GSE1: variants seen among roughly 807,000 people sequenced by gnomAD.
GSE1 encodes Gse1 coiled-coil protein, also known as genetic suppressor element 1.
In GSE1, 32 loss-of-function variants were observed where a neutral mutation model predicts 112.6. The observed-to-expected ratio is 0.28, with a 90% CI of 0.21 to 0.38. The LOEUF is 0.38. Ranked by LOEUF, GSE1 falls within the 10% of genes least tolerant of loss-of-function variation. The probability of loss-of-function intolerance (pLI) is 1.00; values close to 1 mark genes in which losing one functional copy is unlikely to be tolerated. For missense variants in GSE1, 2,348 were observed against 1,699.2 expected (o/e 1.38, Z -6.71); for synonymous variants, 1,115 against 735.6 (o/e 1.52, Z -8.35).
chr16:85,665,021 A>C lies in GSE1; in HGVS notation c.2651A>C (p.Glu884Ala). Residue 884 changes from glutamate (E) to alanine (A), a missense_variant, in exon 12 of 16, where the codon GAG (glutamate) becomes GCG (alanine). Coordinates refer to ENST00000253458, the MANE Select transcript of GSE1 (RefSeq NM_014615.5). ...CAGGCTGCTTTTCTCATAGACAAAG[A>C]GAGACTTGTTGAAATGCTCCGTGCC... ...HISAEKRKDK[E>A]RLVEMLRAMK... 6.3e-7 allele frequency: 1 copy of C among 1,599,956 alleles called. No individual in the cohort carries two copies. Among genetic ancestry groups the C allele is most frequent in the Non-Finnish European group, 8.6e-7 (1 of 1,167,338 alleles).
At chr16:85,627,664 A>G (rs887248787) in intron 1 of GSE1, among the ~76,000 whole-genome samples, 9 of 150,424 alleles carry the variant, frequency 6.0e-5, no homozygotes, top group Admixed American at 4.6e-4. Flanking sequence ...GTGCGGAGAC[A>G]GCCCCCGGCC....
chr16:85,592,916 C>A (rs1447761624), intron 1 of GSE1: 2 of 152,288 alleles, frequency 1.3e-5, no homozygotes, highest in Admixed American at 6.5e-5. Context: ...CAGCTCTAGG[C>A]GAGGGTGCCT....
intron 1 of GSE1, among the ~76,000 whole-genome samples, chr16:85,211,099 T>C (rs550337681): frequency 6.6e-6 from 1 of 152,186 alleles, no homozygotes; most frequent in Non-Finnish European, 1.5e-5. Flanking sequence ...GTGCCTCCTG[T>C]TTGCAGACAC....
intron 2 of GSE1, among the ~76,000 whole-genome samples, chr16:85,536,104 T>C (rs986283720): frequency 4.6e-5 from 7 of 152,216 alleles, no homozygotes; most frequent in African/African-American, 1.4e-4. Context: ...TTGGAGGGAA[T>C]GTCCCAGGGA....
chr16:85,233,248 C>T (rs1029741851), intron 1 of GSE1, among the ~76,000 whole-genome samples: 8 of 152,392 alleles, frequency 5.2e-5, no homozygotes, highest in African/African-American at 1.9e-4. Context: ...AGCACTCATT[C>T]ATTGCATCAT....
chr16:85,501,141 C>T (rs1285976682), intron 2 of GSE1, among the ~76,000 whole-genome samples: 2 of 151,034 alleles, frequency 1.3e-5, no homozygotes, highest in Non-Finnish European at 2.9e-5. Flanking sequence ...GTTGGGACTA[C>T]AGGCGCCCCC....
chr16:85,256,585 G>A (rs555396453), intron 1 of GSE1, among the ~76,000 whole-genome samples: 4 of 152,338 alleles, frequency 2.6e-5, no homozygotes, highest in Admixed American at 6.5e-5. Context: ...CCGGCCTCCC[G>A]GCCTTGGCTT....
chr16:85,309,333 A>G (rs1238745258), intron 1 of GSE1, among the ~76,000 whole-genome samples: 1 of 151,952 alleles, frequency 6.6e-6, no homozygotes, highest in Admixed American at 6.6e-5. Context: ...CCCTATCTCT[A>G]CAAAAAATGT....
At chr16:85,177,484 GT>G (rs1211346452) in intron 1 of GSE1, among the ~76,000 whole-genome samples, 1 of 152,160 alleles carries the variant, frequency 6.6e-6, no homozygotes, top group Admixed American at 6.5e-5. Flanking sequence ...CACTCTTGGG[GT>G]CAGTTGTGGA....
intron 2 of GSE1, among the ~76,000 whole-genome samples, chr16:85,436,161 A>G (rs1223063723): frequency 1.3e-5 from 2 of 152,164 alleles, no homozygotes; most frequent in South Asian, 2.1e-4. Flanking sequence ...TTAATGGGGT[A>G]GCTCCTTGAA....
chr16:85,498,691 G>C (rs532930580), intron 2 of GSE1, among the ~76,000 whole-genome samples: 117 of 152,366 alleles, frequency 7.7e-4, no homozygotes, highest in African/African-American at 2.4e-3. Context: ...ACAGCACACA[G>C]TGGTGGCTGT....
chr16:85,185,119 A>G (rs2074672949), intron 1 of GSE1: 1 of 152,140 alleles, frequency 6.6e-6, no homozygotes, highest in Non-Finnish European at 1.5e-5. Context: ...TGTCTTTCAG[A>G]TGAATCGGCG....
intron 1 of GSE1, among the ~76,000 whole-genome samples, chr16:85,277,676 A>T (rs555027487): frequency 3.9e-5 from 6 of 152,328 alleles, no homozygotes; most frequent in Admixed American, 1.3e-4. Context: ...AGCGGTGGGT[A>T]TGTGGTGGTC....
chr16:85,400,266 TG>T (rs2151668387), intron 2 of GSE1, among the ~76,000 whole-genome samples: 1 of 151,356 alleles, frequency 6.6e-6, no homozygotes, highest in Non-Finnish European at 1.5e-5. Flanking sequence ...TGTGTGTGTG[TG>T]TGTGTGTGTG....
intron 1 of GSE1, among the ~76,000 whole-genome samples, chr16:85,560,515 T>A (rs2045468997): frequency 6.6e-6 from 1 of 152,136 alleles, no homozygotes; most frequent in South Asian, 2.1e-4. Flanking sequence ...TTAGTGCTTC[T>A]TCACTGGCCA....
intron 1 of GSE1, among the ~76,000 whole-genome samples, chr16:85,292,974 C>G (rs913544910): frequency 7.2e-5 from 11 of 152,268 alleles, no homozygotes; most frequent in Non-Finnish European, 1.5e-4. Context: ...ACATACAATA[C>G]AAGCCACATG....
intron 1 of GSE1, among the ~76,000 whole-genome samples, chr16:85,312,546 G>A (rs185246294): frequency 7.2e-5 from 11 of 152,280 alleles, no homozygotes; most frequent in Middle Eastern, 3.4e-3. Context: ...TTAGAGCCCC[G>A]TGGATTTGGG....
At chr16:85,485,182 G>A (rs764294781) in intron 2 of GSE1, among the ~76,000 whole-genome samples, 5 of 152,256 alleles carry the variant, frequency 3.3e-5, no homozygotes, top group Non-Finnish European at 5.9e-5. Context: ...CCAAGGAAGT[G>A]GAGCGACAGC....
intron 1 of GSE1, among the ~76,000 whole-genome samples, chr16:85,236,025 G>C (rs1449389976): frequency 1.3e-5 from 2 of 151,490 alleles, no homozygotes; most frequent in African/African-American, 4.9e-5. Flanking sequence ...TGGGGCTGCG[G>C]CTGGGGCTGG....
Sources: gnomAD v4.1 joint callset for allele counts (sites outside exome capture counted in the v4.1 genomes callset) on GRCh38, gnomAD v4.1.1 for gene constraint, MANE v1.5 for transcripts, NCBI Gene and HGNC (gene_info 2026-07-23, HGNC 2026-07-21) for gene names.